NR1H2: variants seen among roughly 807,000 people sequenced by gnomAD.
The protein encoded by NR1H2 is oxysterols receptor LXR-beta.
Under a neutral mutation model 51.2 loss-of-function variants are expected in NR1H2, and 33 were observed. That is an observed-to-expected ratio of 0.64 (90% CI 0.49 to 0.86). NR1H2 has a LOEUF of 0.86. Ranked by LOEUF, NR1H2 falls within the 40% of genes least tolerant of loss-of-function variation. The pLI, the probability that NR1H2 is intolerant of heterozygous loss-of-function variation, is 0.00. For synonymous variants in NR1H2, 310 were observed against 264.3 expected (o/e 1.17, Z -1.68); for missense variants, 592 against 639.9 (o/e 0.93, Z 0.81).
chr19:50,378,837 G>A (rs150448019), intron 6 of NR1H2, 41 bp downstream of exon 6: 1 of 1,595,372 alleles, frequency 6.3e-7, no homozygotes, highest in Admixed American at 1.7e-5. Flanking sequence ...CGGTCCCAAT[G>A]GGGTAGAGCC....
rs148459010 is a variant in NR1H2, at chr19:50,379,263, T to TTG, written c.927+83_927+84dup. 2,621 of 1,415,884 alleles carry TTG rather than the reference T, an allele frequency of 1.9e-3. 46 individuals are homozygous for TTG. The African/African-American group carries it at 0.033, about 18-fold the overall frequency. 87.7% of individuals were successfully genotyped at this position (1,415,884 alleles called of 1,614,324 possible). On this transcript the variant is annotated intron_variant, in intron 7 of 9. Transcript: ENST00000253727. Reference sequence around the variant, plus strand: ...GAGCAGAGTTAAGGAAGACCAGTGCTTGCCGTTGTAGGATGACATTCCACG... The same window carrying TTG: ...GAGCAGAGTTAAGGAAGACCAGTGCTTGTGCCGTTGTAGGATGACATTCCACG...
rs767118618 is a variant in NR1H2 at position 50,378,829 on chromosome 19, GTCCCAATGGGGTAGAGCCAGCTGGGCCA to G, written c.747+36_747+63del. The G allele has an allele frequency of 4.4e-6, 7 of 1,601,144 alleles. No individual in the cohort carries two copies. The East Asian group carries it at 1.6e-4, about 36-fold the overall frequency. On this transcript the variant is annotated intron_variant, in intron 6 of 9. Coordinates refer to ENST00000253727, the MANE Select transcript of NR1H2 (RefSeq NM_007121.7). ...CCCCTCCACAACCTTGAGTGTGACG[GTCCCAATGGGGTAGAGCCAGCTGGGCCA>G]TCACCCAGGGTGTGGGAGAATGAGG... is the stretch of plus-strand genomic sequence containing the variant.
chr19:50,379,626 G>A (rs180749829), intron 7 of NR1H2, among the ~76,000 whole-genome samples, 154 bp from the exon 8 acceptor site: 105 of 152,254 alleles, frequency 6.9e-4, no homozygotes, highest in Admixed American at 4.8e-3. Context: ...GCTGTCTCAC[G>A]TGATGGCTGC....
chr19:50,378,343 C>T lies in NR1H2; in HGVS notation c.376C>T (p.Arg126Trp), dbSNP rs750204613. 13 of 1,612,184 alleles carry T rather than the reference C, an allele frequency of 8.1e-6. No individual in the cohort carries two copies. Among genetic ancestry groups the T allele is most frequent in the East Asian group, 4.5e-5 (2 of 44,868 alleles). ...VRGGARRYAC[R>W]GGGTCQMDAF... ...TGGTGGGGCCAGGCGCTATGCCTGC[C>T]GGGGTGGCGGAACCTGCCAGATGGA... The change falls in exon 5 of 10, where the codon CGG becomes TGG. Residue 126 changes from arginine to tryptophan, a missense_variant. Physicochemically the swap from Arg to Trp is moderately radical, Grantham distance 101. Transcript: ENST00000253727.
chr19:50,378,488 C>A (rs1482548771), intron 5 of NR1H2, 34 bp from the exon 6 acceptor site: 2 of 1,587,008 alleles, frequency 1.3e-6, no homozygotes, highest in African/African-American at 2.7e-5. Flanking sequence ...CCGCCTAGCC[C>A]TGGGGTTCTG....
rs745674965 is a variant in NR1H2 at position 50,382,117 on chromosome 19, G to A, written c.1179G>A (p.Ala393=). 1.7e-5 allele frequency: 27 copies of A among 1,545,374 alleles called. No individual in the cohort carries two copies. The highest frequency in any genetic ancestry group is 1.1e-4 in the South Asian group (9 of 84,068). The change falls in exon 9 of 10, where the codon GCG becomes GCA. Residue 393 remains alanine, a synonymous_variant. Coordinates refer to ENST00000253727, the MANE Select transcript of NR1H2 (RefSeq NM_007121.7). The part of the protein sequence containing the change: ...PNVQEPGRVE[A]LQQPYVEALL... ...TGCAGGAGCCGGGCCGCGTGGAGGC[G>A]TTGCAGCAGCCCTACGTGGAGGCGC...
intron 4 of NR1H2, 90 bp from the exon 5 acceptor site, chr19:50,378,059 G>A (rs1045103109): frequency 2.7e-6 from 4 of 1,461,570 alleles, no homozygotes; most frequent in African/African-American, 2.8e-5. Context: ...CCATCCTCTG[G>A]CTCTTTGCCT....
chr19:50,380,858 C>T (rs1339038840), intron 8 of NR1H2, among the ~76,000 whole-genome samples: 1 of 152,172 alleles, frequency 6.6e-6, no homozygotes, highest in African/African-American at 2.4e-5. Context: ...CCAGGGTCCC[C>T]TTGAGGGGCC....
rs766249525 is a variant in NR1H2, at chr19:50,379,896, G to T, written c.1027+17G>T. On this transcript the variant is annotated intron_variant, in intron 8 of 9. Transcript: ENST00000253727. ...ACCGTGCAGGTAGGGCCCAGGGGAGGCTTCGGGGAGGCTTGGCGCCCCTGC... is the reference window on the plus strand; with the variant it reads ...ACCGTGCAGGTAGGGCCCAGGGGAGTCTTCGGGGAGGCTTGGCGCCCCTGC... 2.4e-5 allele frequency: 37 copies of T among 1,568,240 alleles called. No homozygotes were observed. In the Middle Eastern group the frequency reaches 5.0e-4, roughly 21 times the overall value.
chr19:50,382,636 A>G lies in NR1H2; in HGVS notation c.*34A>G. 1 of 1,518,686 alleles carries G rather than the reference A, an allele frequency of 6.6e-7. No individual in the cohort carries two copies. 94.1% of individuals were successfully genotyped at this position (1,518,686 alleles called of 1,614,324 possible). A position where few individuals can be genotyped will look rare whatever the true frequency, so the allele number is the denominator to read the frequency against. ...CCACCCAGCCCCACAGCCTTGCCTG[A>G]CCACCCTCCAGCAGATAGACGCCGG... On this transcript the variant is annotated 3_prime_UTR_variant, in exon 10 of 10. Coordinates refer to ENST00000253727, the MANE Select transcript of NR1H2 (RefSeq NM_007121.7).
chr19:50,378,536 G>C lies in NR1H2; in HGVS notation c.487G>C (p.Glu163Gln). Reference sequence around the variant, plus strand: ...TCCCCCTACAGGCGTCCTTTCTGAAGAACAGATCCGGAAGAAGAAGATTCG... The same window carrying C: ...TCCCCCTACAGGCGTCCTTTCTGAACAACAGATCCGGAAGAAGAAGATTCG... ...GMREQCVLSE[E>Q]QIRKKKIRKQ... The change falls in exon 6 of 10, where the codon GAA (glutamate) becomes CAA (glutamine). Residue 163 changes from glutamate to glutamine, a missense_variant. Glu to Gln is a conservative substitution (Grantham distance 29). Coordinates refer to ENST00000253727, the MANE Select transcript of NR1H2 (RefSeq NM_007121.7). 1.2e-6 allele frequency: 2 copies of C among 1,604,892 alleles called. No individual in the cohort carries two copies. The highest frequency in any genetic ancestry group is 1.7e-6 in the Non-Finnish European group (2 of 1,176,472).
At chr19:50,380,559 C>T (rs2037749364) in intron 8 of NR1H2, among the ~76,000 whole-genome samples, 1 of 152,208 alleles carries the variant, frequency 6.6e-6, no homozygotes, top group South Asian at 2.1e-4. Context: ...TTCCCGACAT[C>T]TGTCCAAACC....
At position 50,377,551 on chromosome 19, in the gene NR1H2, A is replaced by C. The variant is rs935775943; in HGVS notation, c.-19-36A>C. The C allele has an allele frequency of 5.8e-6, 9 of 1,557,922 alleles. No individual in the cohort carries two copies. In the African/African-American group the frequency reaches 9.6e-5, roughly 17 times the overall value. ...TAACTGACCTAACCTAACCCTTCTT[A>C]GCCCCACAAGGCTCTCAATCCCCTG... On this transcript the variant is annotated intron_variant, in intron 2 of 9. Coordinates refer to ENST00000253727, the MANE Select transcript of NR1H2 (RefSeq NM_007121.7).
At chr19:50,377,396 G>C (rs1319087325) in intron 2 of NR1H2, 191 bp from the exon 3 acceptor site, 2 of 510,204 alleles carry the variant, frequency 3.9e-6, no homozygotes, top group Non-Finnish European at 6.9e-6. Flanking sequence ...GAAGGCTGGC[G>C]TGGAACAGAA....
At position 50,378,184 on chromosome 19, in the gene NR1H2, C is replaced by T. The variant is rs1052530; in HGVS notation, c.217C>T (p.Arg73Ter). ...PDPEEEPERK[R>*]KKGPAPKMLG... ...TCCCGAAGAGGAACCAGAGCGCAAG[C>T]GAAAGAAGGGCCCAGCCCCGAAGAT... is the stretch of plus-strand genomic sequence containing the variant. Residue 73 changes from arginine (R) to a stop codon, truncating the protein, a stop_gained, in exon 5 of 10, where the codon CGA (arginine) becomes TGA (stop). Transcript: ENST00000253727. LOFTEE classifies it high-confidence loss of function. The T allele has an allele frequency of 6.8e-6, 11 of 1,612,514 alleles. No individual in the cohort carries two copies. The highest frequency in any genetic ancestry group is 2.2e-5 in the East Asian group (1 of 44,868).
chr19:50,379,249 A>G (rs1471259614), intron 7 of NR1H2, 68 bp downstream of exon 7: 5 of 1,483,172 alleles, frequency 3.4e-6, no homozygotes, highest in South Asian at 1.3e-5. Flanking sequence ...AGCAGAGTTA[A>G]GGAAGACCAG....
rs117592155 is a variant in NR1H2 at position 50,382,661 on chromosome 19, G to A, written c.*59G>A. 1.4e-3 allele frequency: 2,125 copies of A among 1,487,910 alleles called. 19 individuals are homozygous for A. The East Asian group carries it at 0.026, about 18-fold the overall frequency. 92.2% of individuals were successfully genotyped at this position (1,487,910 alleles called of 1,614,324 possible). Reference sequence around the variant, plus strand: ...ACCACCCTCCAGCAGATAGACGCCGGCACCCCTTCCTCTTCCTAGGGTGGA... The same window carrying A: ...ACCACCCTCCAGCAGATAGACGCCGACACCCCTTCCTCTTCCTAGGGTGGA... On this transcript the variant is annotated 3_prime_UTR_variant, in exon 10 of 10. Transcript: ENST00000253727.
At chr19:50,378,976 A>G in intron 6 of NR1H2, 26 bp from the exon 7 acceptor site, 1 of 1,586,346 alleles carries the variant, frequency 6.3e-7, no homozygotes, top group East Asian at 2.2e-5. Context: ...AAGACCTGGG[A>G]GTGACCCTGG....
chr19:50,380,976 T>C (rs1031779179), intron 8 of NR1H2, among the ~76,000 whole-genome samples: 3 of 152,054 alleles, frequency 2.0e-5, no homozygotes, highest in African/African-American at 7.2e-5. Flanking sequence ...CCTCCGCGGC[T>C]CCCGTCTCAC....
Sources: allele counts gnomAD v4.1 joint callset (sites outside exome capture counted in the v4.1 genomes callset), GRCh38; gene constraint gnomAD v4.1.1; transcripts MANE v1.5; gene names NCBI Gene and HGNC (gene_info 2026-07-23, HGNC 2026-07-21).